The following NLGN4X variants were observed in gnomAD, a reference collection of about 807,000 sequenced individuals.
NLGN4X encodes the protein neuroligin-4, X-linked.
Under a neutral mutation model 40.3 loss-of-function variants are expected in NLGN4X, and 3 were observed. That is an observed-to-expected ratio of 0.07 (90% CI 0.03 to 0.19). NLGN4X has a LOEUF of 0.19. Ranked by LOEUF, NLGN4X falls within the 10% of genes least tolerant of loss-of-function variation. The pLI is 1.00. For synonymous variants in NLGN4X, 270 were observed against 306.8 expected (o/e 0.88, Z 1.25); for missense variants, 382 against 708.3 (o/e 0.54, Z 5.23).
chrX:5,895,844 T>C (rs908102775), intron 5 of NLGN4X, among the ~76,000 whole-genome samples: 1 of 111,934 alleles, frequency 8.9e-6, no homozygotes, highest in Non-Finnish European at 1.9e-5. Context: ...TTATTATGCA[T>C]GTATTCTTAC....
chrX:6,052,779 C>T (rs2037525426), intron 2 of NLGN4X, among the ~76,000 whole-genome samples: 1 of 112,389 alleles, frequency 8.9e-6, no homozygotes, highest in Non-Finnish European at 1.9e-5. Flanking sequence ...AAATGTATAA[C>T]ACAGAATGGG....
chrX:6,226,529 A>G (rs1218432796), intron 1 of NLGN4X: 1 of 111,419 alleles, frequency 9.0e-6, no homozygotes, highest in Admixed American at 9.4e-5. Context: ...AGGCGCCGGA[A>G]TCGTGCGCTC....
chrX:6,064,329 C>T (rs1354318133), intron 2 of NLGN4X, among the ~76,000 whole-genome samples: 2 of 111,783 alleles, frequency 1.8e-5, no homozygotes, highest in East Asian at 2.8e-4. Flanking sequence ...AAAGCCAATG[C>T]CTGTCTTTCA....
At chrX:5,978,593 T>C (rs1188784339) in intron 3 of NLGN4X, among the ~76,000 whole-genome samples, 1 of 111,634 alleles carries the variant, frequency 9.0e-6, no homozygotes, top group East Asian at 2.8e-4. Flanking sequence ...TCTGATAAAA[T>C]ACTAGTTCCC....
intron 2 of NLGN4X, among the ~76,000 whole-genome samples, chrX:6,110,071 T>C (rs1042400423): frequency 1.3e-4 from 15 of 111,687 alleles, no homozygotes; most frequent in African/African-American, 4.6e-4. Flanking sequence ...CTGCCATGTA[T>C]AATCTTTCTC....
chrX:6,204,216 C>T, intron 1 of NLGN4X, among the ~76,000 whole-genome samples: 1 of 112,278 alleles, frequency 8.9e-6, no homozygotes, highest in East Asian at 2.8e-4. Context: ...AATTACCAGA[C>T]CTTCGTTTGA....
chrX:5,902,959 C>T, intron 5 of NLGN4X, 118 bp downstream of exon 5: 1 of 798,449 alleles, frequency 1.3e-6, no homozygotes, highest in Non-Finnish European at 1.9e-6. Flanking sequence ...TGTGTGCATG[C>T]ATGTGTATGT....
intron 3 of NLGN4X, among the ~76,000 whole-genome samples, chrX:5,935,229 T>C (rs2033695396): frequency 8.9e-6 from 1 of 112,526 alleles, no homozygotes; most frequent in Admixed American, 9.4e-5. Context: ...AAAAATTAAA[T>C]GCAAAGCAAG....
chrX:6,102,792 G>C (rs141278029), intron 2 of NLGN4X, among the ~76,000 whole-genome samples: 117 of 110,965 alleles, frequency 1.1e-3, no homozygotes, highest in African/African-American at 3.7e-3. Flanking sequence ...AGAGATGATA[G>C]ATATAAATTA....
chrX:6,130,370 TAA>T (rs2039654780), intron 2 of NLGN4X, among the ~76,000 whole-genome samples: 1 of 111,756 alleles, frequency 8.9e-6, no homozygotes, highest in Admixed American at 9.5e-5. Context: ...GTTGTTACTA[TAA>T]AAAAAGCCAT....
chrX:6,011,156 A>G (rs1208007962), intron 3 of NLGN4X, among the ~76,000 whole-genome samples: 1 of 110,824 alleles, frequency 9.0e-6, no homozygotes, highest in Non-Finnish European at 1.9e-5. Flanking sequence ...CAGAGTCAAG[A>G]GACTTTCCTA....
At chrX:6,022,628 GT>G (rs1164262082) in intron 3 of NLGN4X, among the ~76,000 whole-genome samples, 1 of 111,826 alleles carries the variant, frequency 8.9e-6, no homozygotes, top group Non-Finnish European at 1.9e-5. Flanking sequence ...AATTGAGGCT[GT>G]AACTCTTGGG....
intron 1 of NLGN4X, among the ~76,000 whole-genome samples, chrX:6,155,907 C>T (rs779203853): frequency 6.2e-4 from 70 of 112,173 alleles, no homozygotes; most frequent in African/African-American, 1.7e-3. Flanking sequence ...GATGCTGTTG[C>T]GGCTGCAGAG....
At chrX:5,967,701 C>A (rs1001304911) in intron 3 of NLGN4X, among the ~76,000 whole-genome samples, 8 of 111,130 alleles carry the variant, frequency 7.2e-5, no homozygotes, top group African/African-American at 2.6e-4. Flanking sequence ...ATGATGTGCA[C>A]GGGAGAGAAG....
intron 3 of NLGN4X, among the ~76,000 whole-genome samples, chrX:5,999,423 T>C (rs772948483): frequency 8.3e-4 from 93 of 112,485 alleles, no homozygotes; most frequent in Admixed American, 3.8e-4. Flanking sequence ...AGCTCAGCCA[T>C]GCTGTCACTT....
intron 3 of NLGN4X, among the ~76,000 whole-genome samples, chrX:5,975,612 CAAAAAA>C (rs60917858): frequency 1.9e-5 from 1 of 53,890 alleles, no homozygotes; most frequent in East Asian, 5.7e-4. Flanking sequence ...GACTCCGTTT[CAAAAAA>C]AAAAAAAAAA....
intron 2 of NLGN4X, among the ~76,000 whole-genome samples, chrX:6,057,241 G>A (rs1385912283): frequency 8.9e-6 from 1 of 111,956 alleles, no homozygotes; most frequent in Non-Finnish European, 1.9e-5. Flanking sequence ...CTAAGCAGTA[G>A]TGTTTTGGCA....
chrX:5,946,343 T>C (rs1378128919), intron 3 of NLGN4X, among the ~76,000 whole-genome samples: 1 of 112,036 alleles, frequency 8.9e-6, no homozygotes, highest in Non-Finnish European at 1.9e-5. Context: ...TTACACTTCT[T>C]TTAACTGATT....
intron 2 of NLGN4X, among the ~76,000 whole-genome samples, chrX:6,099,108 G>A (rs1467893063): frequency 9.0e-6 from 1 of 111,719 alleles, no homozygotes; most frequent in East Asian, 2.8e-4. Context: ...AATTACCCCT[G>A]GTGAAGAAAT....
Sources: gnomAD v4.1 joint callset for allele counts (sites outside exome capture counted in the v4.1 genomes callset) on GRCh38, gnomAD v4.1.1 for gene constraint, MANE v1.5 for transcripts, NCBI Gene and HGNC (gene_info 2026-07-23, HGNC 2026-07-21) for gene names.